RESF1: variants seen among roughly 807,000 people sequenced by gnomAD.
The protein encoded by RESF1 is gonad expressed transcript.
Under a neutral mutation model 134.7 loss-of-function variants are expected in RESF1, and 65 were observed. The ratio of observed to expected loss-of-function variants is 0.48; its 90% CI spans 0.40 to 0.59. The LOEUF is 0.59. Among genes scored for constraint, RESF1 ranks in the 20% least tolerant of loss-of-function variants. RESF1 has a pLI of 0.00. For missense variants in RESF1, 2,274 were observed against 2,002.7 expected (o/e 1.14, Z -2.59); for synonymous variants, 762 against 702.2 (o/e 1.09, Z -1.35).
chr12:31,984,502 G>C lies in RESF1; in HGVS notation c.3547G>C (p.Glu1183Gln). Residue 1183 changes from glutamate (E) to glutamine (Q), a missense_variant, in exon 4 of 6, where the codon GAA becomes CAA. Glu to Gln is a conservative substitution (Grantham distance 29). Transcript: ENST00000312561. ...CALGWLSMVY[E>Q]GVPQCQCNSI... ...ATTGGGCTGGCTCTCCATGGTTTAC[G>C]AAGGAGTACCCCAGTGTCAGTGTAA... 1 of 1,608,622 alleles carries C rather than the reference G, an allele frequency of 6.2e-7. No homozygotes were observed. The highest frequency in any genetic ancestry group is 1.1e-5 in the South Asian group (1 of 90,780).
chr12:31,977,827 C>G (rs1939672546), intron 3 of RESF1, among the ~76,000 whole-genome samples: 1 of 122,614 alleles, frequency 8.2e-6, no homozygotes, highest in African/African-American at 3.0e-5. Flanking sequence ...TTTTTTGAGA[C>G]AAGAGCTCAT....
intron 3 of RESF1, among the ~76,000 whole-genome samples, chr12:31,975,200 G>T (rs1040802403): frequency 1.3e-5 from 2 of 152,068 alleles, no homozygotes; most frequent in African/African-American, 4.8e-5. Context: ...CTTGAACCCG[G>T]GAGGTGGAGG....
At position 31,985,344 on chromosome 12, in the gene RESF1, A is replaced by G. The variant is rs572297011; in HGVS notation, c.4389A>G (p.Ala1463=). The G allele has an allele frequency of 4.9e-5, 79 of 1,610,722 alleles. 4 individuals carry two copies. The South Asian group carries it at 8.3e-4, about 17-fold the overall frequency. ...ATAAAGAAGCTCTGAGTAATAAAGC[A>G]TCGAAGAAAATCTGTGTGAAAAACG... ...QKHKEALSNK[A]SKKICVKNVP... The change falls in exon 4 of 6, where the codon GCA becomes GCG. Residue 1463 remains alanine, a synonymous_variant. Transcript: ENST00000312561.
intron 2 of RESF1, among the ~76,000 whole-genome samples, chr12:31,965,672 A>G (rs1003260791): frequency 1.3e-5 from 2 of 152,068 alleles, no homozygotes; most frequent in African/African-American, 4.8e-5. Context: ...CTCACTCATA[A>G]TAGGAGCGAT....
At chr12:31,986,124 TATTTGTTTTGTGTTCATTGCCACC>T (rs926789735) in intron 4 of RESF1, among the ~76,000 whole-genome samples, 167 bp downstream of exon 4, 5 of 152,220 alleles carry the variant, frequency 3.3e-5, no homozygotes, top group African/African-American at 1.2e-4. Context: ...CATTGGGCAA[TATTTGTTTTGTGTTCATTGCCACC>T]TTATTGTAAA....
In RESF1 at chr12:31,984,599, G is replaced by C; in HGVS notation, c.3644G>C (p.Cys1215Ser). The part of the protein sequence containing the change: ...EQCSPLDTNS[C>S]KQGERTSDRD... ...TGTTCTCCTTTGGATACCAACAGTT[G>C]TAAACAAGGAGAGAGAACTTCTGAT... Residue 1215 changes from cysteine (C) to serine (S), a missense_variant, in exon 4 of 6, where the codon TGT (cysteine) becomes TCT (serine). Coordinates refer to ENST00000312561, the MANE Select transcript of RESF1 (RefSeq NM_018169.4). 1 of 1,579,288 alleles carries C rather than the reference G, an allele frequency of 6.3e-7. No individual in the cohort carries two copies.
In RESF1 at chr12:31,985,587, G is replaced by C; in HGVS notation, c.4632G>C (p.Gln1544His). 1 of 1,603,384 alleles carries C rather than the reference G, an allele frequency of 6.2e-7. No individual in the cohort carries two copies. The highest frequency in any genetic ancestry group is 8.5e-7 in the Non-Finnish European group (1 of 1,177,178). ...RNVKEKVGGK[Q>H]PDKIWIDKTK... ...TTAAAGAAAAAGTTGGTGGGAAGCA[G>C]CCTGATAAAATATGGATTGATAAGA... Residue 1544 changes from glutamine (Q) to histidine (H), a missense_variant, in exon 4 of 6, where the codon CAG (glutamine) becomes CAC (histidine). By Grantham distance (24) the Gln-to-His change is conservative. Transcript: ENST00000312561.
At chr12:31,959,865 A>C in intron 1 of RESF1, 1 of 152,314 alleles carries the variant, frequency 6.6e-6, no homozygotes, top group Non-Finnish European at 1.5e-5. Context: ...GCTAGGACGC[A>C]TTTTGTCGAA....
chr12:31,983,668 T>TA lies in RESF1; in HGVS notation c.2714dup (p.Tyr905Ter). The TA allele has an allele frequency of 1.2e-6, 2 of 1,614,014 alleles. No individual in the cohort carries two copies. The highest frequency in any genetic ancestry group is 1.7e-6 in the Non-Finnish European group (2 of 1,180,002). ...TTCTCTGGTTGAAGGTGATACCTCT[T>TA]ACAATTCCCAAATAGCAAAGATATT... ...ICSLVEGDTSYNSQIAKIFSS... is the reference protein window; with the variant it reads ...ICSLVEGDTS The change falls in exon 4 of 6, where the codon TAC becomes TAAC. Residue 905 changes from tyrosine (Y) to a stop codon, truncating the protein, a stop_gained and frameshift_variant. Transcript: ENST00000312561. LOFTEE classifies it high-confidence loss of function.
In RESF1 at chr12:31,982,906, A is replaced by C; in HGVS notation, c.1951A>C (p.Ser651Arg). 2 of 1,614,112 alleles carry C rather than the reference A, an allele frequency of 1.2e-6. No homozygotes were observed. Among genetic ancestry groups the C allele is most frequent in the Non-Finnish European group, 1.7e-6 (2 of 1,180,000 alleles). ...SGRVLDNSFC[S>R]GQESSTKGMP... is the part of the protein sequence containing the mutation. ...CAGGGTTTTGGACAACTCCTTTTGC[A>C]GTGGACAAGAATCCTCAACAAAAGG... is the stretch of plus-strand genomic sequence containing the variant. Residue 651 changes from serine (S) to arginine (R), a missense_variant, in exon 4 of 6, where the codon AGT becomes CGT. Transcript: ENST00000312561.
intron 2 of RESF1, among the ~76,000 whole-genome samples, chr12:31,965,279 C>G (rs1210911007): frequency 6.6e-6 from 1 of 152,100 alleles, no homozygotes; most frequent in African/African-American, 2.4e-5. Flanking sequence ...TTCAACCCCT[C>G]CTTTTTCTGT....
chr12:31,978,918 A>G (rs1288991950), intron 3 of RESF1, among the ~76,000 whole-genome samples: 1 of 129,386 alleles, frequency 7.7e-6, no homozygotes, highest in African/African-American at 2.7e-5. Context: ...AAATGATCTC[A>G]TGATTTTTTT....
At chr12:31,977,742 CCAAAAAAT>C (rs904799371) in intron 3 of RESF1, among the ~76,000 whole-genome samples, 11 of 151,370 alleles carry the variant, frequency 7.3e-5, no homozygotes, top group Admixed American at 6.6e-5. Context: ...GCTTGTTACC[CCAAAAAAT>C]CAAAAAATCC....
rs1294822029 is a variant in RESF1, at chr12:31,989,851, C to CAAAAAAAAA, written c.5087-2526_5087-2518dup. 1.1e-4 allele frequency among the ~76,000 whole-genome samples: 16 copies of CAAAAAAAAA among 147,800 alleles called. No homozygotes were observed. In the East Asian group the frequency reaches 3.3e-3, roughly 31 times the overall value. On this transcript the variant is annotated intron_variant, in intron 5 of 5. Transcript: ENST00000312561. Reference sequence around the variant, plus strand: ...TGGGCGACAGAGCAAAACTCTGTCTCAAAAAAAAAGTCAGTTAGCATTGAA... The same window carrying CAAAAAAAAA: ...TGGGCGACAGAGCAAAACTCTGTCTCAAAAAAAAAAAAAAAAAAGTCAGTTAGCATTGAA...
At chr12:31,987,062 G>C (rs1939989518) in intron 4 of RESF1, 177 bp from the exon 5 acceptor site, 1 of 501,240 alleles carries the variant, frequency 2.0e-6, no homozygotes, top group South Asian at 2.4e-5. Context: ...TTTTTTAATT[G>C]AGGTAAGCAT....
chr12:31,982,989 C>A lies in RESF1; in HGVS notation c.2034C>A (p.Ser678=). 6.2e-7 allele frequency: 1 copy of A among 1,614,038 alleles called. No individual in the cohort carries two copies. The highest frequency in any genetic ancestry group is 8.5e-7 in the Non-Finnish European group (1 of 1,180,020). The change falls in exon 4 of 6, where the codon TCC becomes TCA. Residue 678 remains serine (S), a synonymous_variant. Coordinates refer to ENST00000312561, the MANE Select transcript of RESF1 (RefSeq NM_018169.4). ...CSMEVLATCL[S]LWKKQPSDTA... ...TGGAAGTGCTAGCAACCTGTCTTTC[C>A]CTGTGGAAAAAGCAACCTTCAGATA...
intron 2 of RESF1, among the ~76,000 whole-genome samples, chr12:31,968,261 G>A (rs17510840): frequency 0.068 from 10,287 of 152,140 alleles, 496 homozygotes; most frequent in South Asian, 0.14. Context: ...AAATACCAGA[G>A]CGAATTTATA....
intron 5 of RESF1, among the ~76,000 whole-genome samples, chr12:31,988,894 A>G (rs35533133): frequency 0.1 from 15,492 of 151,480 alleles, 1,020 homozygotes; most frequent in East Asian, 0.22. Context: ...TTCTCTCACT[A>G]TGTTGGCCAG....
intron 3 of RESF1, among the ~76,000 whole-genome samples, chr12:31,973,227 G>A (rs1166256956): frequency 6.6e-6 from 1 of 152,038 alleles, no homozygotes; most frequent in Non-Finnish European, 1.5e-5. Flanking sequence ...ATATCCACAA[G>A]TAGATTATGC....
Sources: allele counts gnomAD v4.1 joint callset (sites outside exome capture counted in the v4.1 genomes callset), GRCh38; gene constraint gnomAD v4.1.1; transcripts MANE v1.5; gene names NCBI Gene and HGNC (gene_info 2026-07-23, HGNC 2026-07-21).